Variants in CTNND2 observed in about 807,000 individuals in gnomAD.
CTNND2 encodes the protein catenin delta 2.
Under a neutral mutation model 144.4 loss-of-function variants are expected in CTNND2, and 22 were observed. The observed-to-expected ratio is 0.15, with a 90% CI of 0.11 to 0.22. The LOEUF is 0.22. CTNND2 is among the 10% of genes least tolerant of loss of function. The probability of loss-of-function intolerance (pLI) is 1.00; values close to 1 mark genes in which losing one functional copy is unlikely to be tolerated. For synonymous variants in CTNND2, 751 were observed against 695.6 expected (o/e 1.08, Z -1.25); for missense variants, 1,353 against 1,618.8 (o/e 0.84, Z 2.82).
intron 15 of CTNND2, among the ~76,000 whole-genome samples, chr5:11,096,803 C>G (rs78507220): frequency 3.4e-5 from 5 of 148,992 alleles, no homozygotes; most frequent in Admixed American, 1.3e-4. Flanking sequence ...GAGAGAGAGA[C>G]AGAGAGAGAG....
In CTNND2 at chr5:11,715,668, G is replaced by C. The variant is rs200532454; in HGVS notation, c.174+16468C>G. 5.9e-5 allele frequency among the ~76,000 whole-genome samples: 9 copies of C among 152,226 alleles called. No homozygotes were observed. In the East Asian group the frequency reaches 1.7e-3, roughly 30 times the overall value. On this transcript the variant is annotated intron_variant, in intron 2 of 21. Coordinates refer to ENST00000304623, the MANE Select transcript of CTNND2 (RefSeq NM_001332.4). ...TTCAATTCATGCATAGCTTCTTAAA[G>C]GCATCTTATAAATGTCTTAAGATAG...
At chr5:11,515,680 T>G (rs944840850) in intron 3 of CTNND2, among the ~76,000 whole-genome samples, 2 of 152,190 alleles carry the variant, frequency 1.3e-5, no homozygotes, top group Non-Finnish European at 2.9e-5. Flanking sequence ...TAGACCACAT[T>G]AGGCTTTAAA....
At chr5:11,407,880 A>G (rs1291032913) in intron 5 of CTNND2, among the ~76,000 whole-genome samples, 1 of 152,000 alleles carries the variant, frequency 6.6e-6, no homozygotes. Context: ...CGGTTGTTCC[A>G]CTATCGAGGA....
In CTNND2 at chr5:11,415,563, G is replaced by A. The variant is rs115692462; in HGVS notation, c.288-3494C>T. Among the ~76,000 whole-genome samples the A allele has an allele frequency of 1.0e-2, 1,521 of 152,168 alleles. 21 individuals carry two copies. Among genetic ancestry groups the A allele is most frequent in the African/African-American group, 0.031 (1,296 of 41,524 alleles). ...TGAGGCTTCAGTGAGCTGAGATTGC[G>A]CCACTGTCCCTCATGCACCCCAGCC... On this transcript the variant is annotated intron_variant, in intron 3 of 21. Transcript: ENST00000304623.
At chr5:11,266,793 G>C (rs1451517584) in intron 9 of CTNND2, among the ~76,000 whole-genome samples, 2 of 152,172 alleles carry the variant, frequency 1.3e-5, no homozygotes, top group Non-Finnish European at 2.9e-5. Flanking sequence ...CTGCCATTAT[G>C]GGTTGGCTTC....
intron 9 of CTNND2, among the ~76,000 whole-genome samples, chr5:11,246,864 C>T (rs936026633): frequency 3.9e-5 from 6 of 152,038 alleles, no homozygotes; most frequent in Non-Finnish European, 8.8e-5. Flanking sequence ...GTGTGCCTGG[C>T]ATGTCAGACA....
At chr5:11,262,676 G>A (rs1744994715) in intron 9 of CTNND2, among the ~76,000 whole-genome samples, 1 of 144,194 alleles carries the variant, frequency 6.9e-6, no homozygotes, top group Admixed American at 7.2e-5. Context: ...GCAGGAGAAT[G>A]GCGTGAACCC....
chr5:11,349,472 A>C (rs1755115245), intron 8 of CTNND2, among the ~76,000 whole-genome samples: 2 of 152,196 alleles, frequency 1.3e-5, no homozygotes, highest in African/African-American at 4.8e-5. Flanking sequence ...TGATATTAAT[A>C]AAAAAGGAAT....
At chr5:11,188,953 C>A (rs1212457801) in intron 11 of CTNND2, among the ~76,000 whole-genome samples, 5 of 152,192 alleles carry the variant, frequency 3.3e-5, no homozygotes, top group Non-Finnish European at 7.3e-5. Flanking sequence ...GATTTTTCTT[C>A]ACAGCACTTG....
At chr5:11,059,025 A>G (rs552602823) in intron 16 of CTNND2, among the ~76,000 whole-genome samples, 6 of 152,258 alleles carry the variant, frequency 3.9e-5, no homozygotes, top group African/African-American at 1.2e-4. Flanking sequence ...CTTGCTTTTG[A>G]TTTTACAGGC....
chr5:11,900,728 A>G (rs1022522367), intron 1 of CTNND2, among the ~76,000 whole-genome samples: 1 of 152,192 alleles, frequency 6.6e-6, no homozygotes, highest in Non-Finnish European at 1.5e-5. Flanking sequence ...GAAGCCAACA[A>G]TGAATTTGGC....
intron 1 of CTNND2, among the ~76,000 whole-genome samples, chr5:11,866,295 G>A (rs778950618): frequency 3.9e-5 from 6 of 152,044 alleles, no homozygotes; most frequent in Non-Finnish European, 7.4e-5. Flanking sequence ...AACGCCAGAC[G>A]TTGTCTCTAA....
At chr5:10,980,396 C>T (rs1230435641) in intron 21 of CTNND2, among the ~76,000 whole-genome samples, 3 of 151,986 alleles carry the variant, frequency 2.0e-5, no homozygotes, top group Non-Finnish European at 2.9e-5. Flanking sequence ...AGTCAGGAAA[C>T]GAGATGCTGG....
intron 1 of CTNND2, among the ~76,000 whole-genome samples, chr5:11,870,688 G>C (rs1735034238): frequency 1.3e-5 from 2 of 152,210 alleles, no homozygotes; most frequent in African/African-American, 4.8e-5. Flanking sequence ...CCTTGCTGTT[G>C]CTACCATTCT....
intron 10 of CTNND2, among the ~76,000 whole-genome samples, chr5:11,223,977 T>C (rs890291825): frequency 3.3e-5 from 5 of 152,192 alleles, no homozygotes; most frequent in African/African-American, 1.2e-4. Flanking sequence ...GATCCCCTGC[T>C]TCTCATCTGT....
intron 16 of CTNND2, among the ~76,000 whole-genome samples, chr5:11,063,058 T>C (rs753008217): frequency 9.9e-5 from 15 of 152,138 alleles, no homozygotes; most frequent in Non-Finnish European, 7.4e-5. Flanking sequence ...TAACAGATCA[T>C]TAAAAATAAC....
chr5:11,381,351 G>C (rs1758460725), intron 7 of CTNND2, among the ~76,000 whole-genome samples: 6 of 152,120 alleles, frequency 3.9e-5, no homozygotes, highest in Admixed American at 3.3e-4. Flanking sequence ...TGGTGCCCAT[G>C]GGTTTAGCAA....
chr5:11,536,100 G>C (rs1358776835), intron 3 of CTNND2, among the ~76,000 whole-genome samples: 2 of 152,114 alleles, frequency 1.3e-5, no homozygotes, highest in Non-Finnish European at 2.9e-5. Context: ...TTCTCACTCT[G>C]TCACCCAGGC....
intron 16 of CTNND2, among the ~76,000 whole-genome samples, chr5:11,043,705 G>T (rs1434138557): frequency 6.6e-6 from 1 of 152,096 alleles, no homozygotes; most frequent in Non-Finnish European, 1.5e-5. Context: ...CTTTTTACAA[G>T]CAATATTAAT....
Sources: gnomAD v4.1 joint callset for allele counts (sites outside exome capture counted in the v4.1 genomes callset) on GRCh38, gnomAD v4.1.1 for gene constraint, MANE v1.5 for transcripts, NCBI Gene and HGNC (gene_info 2026-07-23, HGNC 2026-07-21) for gene names.